CHRM5: variants seen among roughly 807,000 people sequenced by gnomAD.
CHRM5 encodes muscarinic acetylcholine receptor M5.
A neutral mutation model predicts 39.0 loss-of-function variants in CHRM5; 18 were observed. The observed-to-expected ratio is 0.46, with a 90% confidence interval of 0.32 to 0.68. The LOEUF (loss-of-function observed/expected upper bound fraction) is 0.68, where lower values mean the gene tolerates loss of function less well. CHRM5 is among the 30% of genes least tolerant of loss of function. The pLI, the probability that CHRM5 is intolerant of heterozygous loss-of-function variation, is 0.04. For missense variants in CHRM5, 515 were observed against 651.1 expected (o/e 0.79, Z 2.28); for synonymous variants, 241 against 246.3 (o/e 0.98, Z 0.20).
chr15:34,020,623 T>C (rs909278276), intron 1 of CHRM5, among the ~76,000 whole-genome samples: 1 of 152,220 alleles, frequency 6.6e-6, no homozygotes, highest in African/African-American at 2.4e-5. Context: ...TGCTCTGACT[T>C]ACAGATGGGC....
At chr15:33,980,346 A>G (rs1001079805) in intron 1 of CHRM5, among the ~76,000 whole-genome samples, 2 of 152,206 alleles carry the variant, frequency 1.3e-5, no homozygotes, top group Non-Finnish European at 2.9e-5. Context: ...TAACTTGACA[A>G]GACCTCAGTG....
chr15:33,978,100 T>C lies in CHRM5; in HGVS notation c.-408+8950T>C, dbSNP rs200443773. 3.1e-3 allele frequency among the ~76,000 whole-genome samples: 466 copies of C among 152,144 alleles called. 15 individuals are homozygous for C. In the South Asian group the frequency reaches 0.087, roughly 28 times the overall value. ...CATTTCAAAAGTCACTATGTCTATATAAAACTATTTTAAAAACATAGAAAT... is the reference window on the plus strand; with the variant it reads ...CATTTCAAAAGTCACTATGTCTATACAAAACTATTTTAAAAACATAGAAAT... On this transcript the variant is annotated intron_variant, in intron 1 of 2. Coordinates refer to ENST00000383263, the MANE Select transcript of CHRM5 (RefSeq NM_012125.4).
intron 1 of CHRM5, among the ~76,000 whole-genome samples, chr15:34,012,877 C>T (rs16958572): frequency 0.016 from 2,489 of 152,278 alleles, 78 homozygotes; most frequent in African/African-American, 0.053. Flanking sequence ...GTTATGTTTA[C>T]TCTTCACCTA....
In CHRM5 at chr15:34,063,241, AG is replaced by A; in HGVS notation, c.525del (p.Lys175AsnfsTer35). ...CTCTGCTGGCAGTACTTGGTTGGGA[AG>A]CGGACAGTTCCACTGGATGAGTGCC... ...AILCWQYLVGKRTVPLDECQI... is the reference protein window; with the variant it reads ...AILCWQYLVGXRTVPLDECQI... On this transcript the variant is annotated frameshift_variant, in exon 3 of 3. Coordinates refer to ENST00000383263, the MANE Select transcript of CHRM5 (RefSeq NM_012125.4). LOFTEE classifies it high-confidence loss of function. This position sits in a 1 kb window ranked among gnomAD's most constrained non-coding sequence, Gnocchi z 4.1. 1 of 1,614,198 alleles carries A rather than the reference AG, an allele frequency of 6.2e-7. No homozygotes were observed. Among genetic ancestry groups the A allele is most frequent in the African/African-American group, 1.3e-5 (1 of 75,042 alleles).
intron 1 of CHRM5, among the ~76,000 whole-genome samples, chr15:34,023,371 C>T (rs936226872): frequency 1.3e-5 from 2 of 152,108 alleles, no homozygotes. Flanking sequence ...TCATCTTGGC[C>T]GAGTCCTCCC....
At chr15:34,018,595 T>A (rs1350068677) in intron 1 of CHRM5, 1 of 152,292 alleles carries the variant, frequency 6.6e-6, no homozygotes, top group South Asian at 2.1e-4. Context: ...ATAAAGGTAG[T>A]GCAGACCCAA....
intron 1 of CHRM5, among the ~76,000 whole-genome samples, chr15:34,013,349 A>T (rs1454453224): frequency 6.6e-6 from 1 of 152,250 alleles, no homozygotes; most frequent in Non-Finnish European, 1.5e-5. Flanking sequence ...AGTGTGAGCC[A>T]CTGGGCCTGG....
At chr15:33,972,963 A>T (rs1313554258) in intron 1 of CHRM5, among the ~76,000 whole-genome samples, 2 of 152,218 alleles carry the variant, frequency 1.3e-5, no homozygotes, top group Non-Finnish European at 2.9e-5. Flanking sequence ...AGATTGCTTG[A>T]TCCAGTGGTG....
intron 1 of CHRM5, among the ~76,000 whole-genome samples, chr15:33,985,705 GT>G (rs1294130391): frequency 6.6e-6 from 1 of 152,028 alleles, no homozygotes; most frequent in East Asian, 1.9e-4. Context: ...ATTCCTTAGT[GT>G]TTGGTAAGTA....
intron 1 of CHRM5, chr15:34,038,910 T>C (rs562954080): frequency 9.0e-7 from 1 of 1,106,844 alleles, no homozygotes. Flanking sequence ...TCCGCCTCCG[T>C]CCCCGCCGCC....
chr15:34,036,811 T>C (rs1899148130), intron 1 of CHRM5, among the ~76,000 whole-genome samples: 2 of 152,096 alleles, frequency 1.3e-5, no homozygotes, highest in Admixed American at 1.3e-4. Context: ...CTTTTAATGA[T>C]ATACCATCAT....
At chr15:34,011,012 A>G (rs1455232144) in intron 1 of CHRM5, among the ~76,000 whole-genome samples, 1 of 152,184 alleles carries the variant, frequency 6.6e-6, no homozygotes, top group Admixed American at 6.5e-5. Context: ...AAAGAATTCA[A>G]TGACAGTTTT....
At chr15:33,993,537 G>A (rs575201855) in intron 1 of CHRM5, among the ~76,000 whole-genome samples, 2 of 152,258 alleles carry the variant, frequency 1.3e-5, no homozygotes, top group East Asian at 1.9e-4. Context: ...CCACCTCTAT[G>A]GTGGTAACAG....
At chr15:33,983,205 T>C (rs575082739) in intron 1 of CHRM5, among the ~76,000 whole-genome samples, 1,275 of 26,022 alleles carry the variant, frequency 0.049, 42 homozygotes, top group African/African-American at 0.2. Flanking sequence ...TGTGTGTATA[T>C]ATATATATAC....
At chr15:34,049,210 T>G (rs1282550676) in intron 2 of CHRM5, among the ~76,000 whole-genome samples, 1 of 152,180 alleles carries the variant, frequency 6.6e-6, no homozygotes, top group Non-Finnish European at 1.5e-5. Context: ...CTGAGATGGC[T>G]GAATTGACAG....
chr15:34,004,685 G>A (rs959410177), intron 1 of CHRM5, among the ~76,000 whole-genome samples: 1 of 152,124 alleles, frequency 6.6e-6, no homozygotes, highest in Non-Finnish European at 1.5e-5. Context: ...CCAAAATAGT[G>A]GGTGGAGAGG....
intron 1 of CHRM5, among the ~76,000 whole-genome samples, chr15:34,011,689 C>T (rs1212726310): frequency 1.3e-5 from 2 of 152,204 alleles, no homozygotes; most frequent in African/African-American, 4.8e-5. Flanking sequence ...TGTTCAACCA[C>T]TCATCTCACA....
intron 1 of CHRM5, among the ~76,000 whole-genome samples, chr15:33,980,864 T>C (rs1896107256): frequency 6.6e-6 from 1 of 152,120 alleles, no homozygotes; most frequent in African/African-American, 2.4e-5. Flanking sequence ...GACTTCAAAA[T>C]ATAATGGAAA....
At chr15:34,007,885 G>C in intron 1 of CHRM5, among the ~76,000 whole-genome samples, 1 of 152,058 alleles carries the variant, frequency 6.6e-6, no homozygotes, top group East Asian at 1.9e-4. Context: ...TCCTTCCTTT[G>C]CCATTTTCAC....
Sources: allele counts gnomAD v4.1 joint callset (sites outside exome capture counted in the v4.1 genomes callset), GRCh38; gene constraint gnomAD v4.1.1; non-coding constraint Gnocchi (gnomAD v3.1); transcripts MANE v1.5; gene names NCBI Gene and HGNC (gene_info 2026-07-23, HGNC 2026-07-21).